NKAIN3: variants seen among roughly 807,000 people sequenced by gnomAD.
The protein encoded by NKAIN3 is sodium/potassium-transporting ATPase subunit beta-1-interacting protein 3.
Under a neutral mutation model 30.2 loss-of-function variants are expected in NKAIN3, and 25 were observed. The ratio of observed to expected loss-of-function variants is 0.83; its 90% confidence interval spans 0.60 to 1.16. NKAIN3 has a LOEUF of 1.16. Ranked by LOEUF, NKAIN3 falls within the 50% of genes most tolerant of loss-of-function variation. The probability of loss-of-function intolerance (pLI) is 0.00; values close to 1 mark genes in which losing one functional copy is unlikely to be tolerated. For missense variants in NKAIN3, 225 were observed against 254.1 expected (o/e 0.89, Z 0.78); for synonymous variants, 91 against 89.6 (o/e 1.02, Z -0.09).
intron 3 of NKAIN3, among the ~76,000 whole-genome samples, chr8:62,624,500 C>T (rs1296387546): frequency 6.8e-6 from 1 of 147,934 alleles, no homozygotes; most frequent in Non-Finnish European, 1.5e-5. Context: ...GCTTTCATTT[C>T]CTCTGGCTTT....
intron 4 of NKAIN3, among the ~76,000 whole-genome samples, chr8:62,914,396 T>A (rs941315413): frequency 4.6e-5 from 7 of 152,144 alleles, no homozygotes; most frequent in African/African-American, 7.2e-5. Context: ...TATTGGGTAC[T>A]GGACTTAATA....
intron 1 of NKAIN3, among the ~76,000 whole-genome samples, chr8:62,507,071 T>G (rs1166529090): frequency 6.6e-6 from 1 of 152,220 alleles, no homozygotes; most frequent in South Asian, 2.1e-4. Flanking sequence ...CATGCTGCTG[T>G]GTGATCTTCT....
chr8:62,439,851 G>T (rs1585810038), intron 1 of NKAIN3, among the ~76,000 whole-genome samples: 1 of 152,222 alleles, frequency 6.6e-6, no homozygotes, highest in South Asian at 2.1e-4. Context: ...GCTTGTATTG[G>T]GAAAGTGTTG....
intron 3 of NKAIN3, among the ~76,000 whole-genome samples, chr8:62,620,614 C>A (rs1811593743): frequency 6.6e-6 from 1 of 152,098 alleles, no homozygotes; most frequent in African/African-American, 2.4e-5. Flanking sequence ...AACCTATTAG[C>A]CACTGTTTAT....
At chr8:62,736,276 G>A (rs1390093482) in intron 3 of NKAIN3, among the ~76,000 whole-genome samples, 1 of 152,168 alleles carries the variant, frequency 6.6e-6, no homozygotes, top group African/African-American at 2.4e-5. Context: ...GCCTACCAGG[G>A]TGGGTAGAGA....
At chr8:62,558,508 A>G (rs1264368252) in intron 1 of NKAIN3, among the ~76,000 whole-genome samples, 2 of 152,124 alleles carry the variant, frequency 1.3e-5, no homozygotes, top group African/African-American at 4.8e-5. Context: ...CAGTACGGCC[A>G]TTTTCACAAT....
chr8:62,874,195 T>C (rs1046137718), intron 4 of NKAIN3, among the ~76,000 whole-genome samples: 2 of 152,048 alleles, frequency 1.3e-5, no homozygotes, highest in Non-Finnish European at 2.9e-5. Context: ...CAGATAATAT[T>C]ATAAACACCT....
At chr8:62,909,445 T>G (rs901668099) in intron 4 of NKAIN3, among the ~76,000 whole-genome samples, 5 of 152,174 alleles carry the variant, frequency 3.3e-5, no homozygotes, top group African/African-American at 1.2e-4. Flanking sequence ...TTTCCAAATT[T>G]TATTAAAAGC....
intron 1 of NKAIN3, chr8:62,483,631 A>G (rs994186015): frequency 3.7e-5 from 7 of 186,788 alleles, no homozygotes; most frequent in Non-Finnish European, 6.9e-5. Context: ...TGAATGGGTA[A>G]TCTTCTCATA....
At chr8:62,396,208 C>CA (rs1350960575) in intron 1 of NKAIN3, among the ~76,000 whole-genome samples, 1 of 152,138 alleles carries the variant, frequency 6.6e-6, no homozygotes, top group Non-Finnish European at 1.5e-5. Flanking sequence ...TTTTTATCCT[C>CA]AGAAGACCCT....
Position 62,968,965 on chromosome 8 carries a change from T to G in NKAIN3, c.*3558T>G, listed in dbSNP as rs16929988. Among the ~76,000 whole-genome samples the G allele has an allele frequency of 0.09, 13,690 of 152,194 alleles. 758 individuals carry two copies. Among genetic ancestry groups the G allele is most frequent in the East Asian group, 0.28 (1,436 of 5,160 alleles). On this transcript the variant is annotated 3_prime_UTR_variant, in exon 7 of 7. Coordinates refer to ENST00000623646, the MANE Select transcript of NKAIN3 (RefSeq NM_001304533.3). ...TGGAATAGCACACATCAGAGAAATC[T>G]CAAACATCTCTTAGGAAAATCTCTA... is the stretch of plus-strand genomic sequence containing the variant.
chr8:62,761,905 C>G (rs73254893), intron 4 of NKAIN3, among the ~76,000 whole-genome samples: 1 of 152,134 alleles, frequency 6.6e-6, no homozygotes, highest in Non-Finnish European at 1.5e-5. Flanking sequence ...GGGAGAGAAA[C>G]AATTTGGCCC....
intron 3 of NKAIN3, among the ~76,000 whole-genome samples, chr8:62,712,373 T>C (rs1157568210): frequency 6.6e-6 from 1 of 152,008 alleles, no homozygotes; most frequent in Admixed American, 6.6e-5. Flanking sequence ...TTGGGGTAGG[T>C]GTGTCTGAGT....
chr8:62,330,564 A>G (rs1007974481), intron 1 of NKAIN3, among the ~76,000 whole-genome samples: 9 of 152,014 alleles, frequency 5.9e-5, no homozygotes, highest in African/African-American at 1.9e-4. Context: ...CCCCTCCTCT[A>G]GTACGGCCAT....
intron 4 of NKAIN3, among the ~76,000 whole-genome samples, chr8:62,893,688 ATAAC>A (rs1189867875): frequency 3.3e-5 from 5 of 152,298 alleles, no homozygotes; most frequent in South Asian, 2.1e-4. Context: ...ACATATGCAC[ATAAC>A]TAACTGTGTA....
chr8:62,934,114 G>A (rs937672286), intron 5 of NKAIN3, among the ~76,000 whole-genome samples: 16 of 152,196 alleles, frequency 1.1e-4, no homozygotes, highest in African/African-American at 3.6e-4. Context: ...GTCTTGTGTG[G>A]TGACACGCAC....
intron 4 of NKAIN3, among the ~76,000 whole-genome samples, chr8:62,815,810 C>T (rs894748305): frequency 6.6e-6 from 1 of 151,826 alleles, no homozygotes; most frequent in Non-Finnish European, 1.5e-5. Context: ...TTGATCTAGT[C>T]TATTGTGGAA....
At chr8:62,295,039 T>A (rs1813782411) in intron 1 of NKAIN3, among the ~76,000 whole-genome samples, 1 of 152,152 alleles carries the variant, frequency 6.6e-6, no homozygotes, top group Admixed American at 6.5e-5. Flanking sequence ...TTTTCTTCTG[T>A]AAATCTATGT....
intron 3 of NKAIN3, among the ~76,000 whole-genome samples, chr8:62,595,324 G>C: frequency 6.6e-6 from 1 of 150,698 alleles, no homozygotes; most frequent in East Asian, 2.0e-4. Context: ...TGAGTATCTA[G>C]AGTGTCATTA....
Sources: gnomAD v4.1 joint callset for allele counts (sites outside exome capture counted in the v4.1 genomes callset) on GRCh38, gnomAD v4.1.1 for gene constraint, MANE v1.5 for transcripts, NCBI Gene and HGNC (gene_info 2026-07-23, HGNC 2026-07-21) for gene names.